The following KIRREL3 variants were observed in gnomAD, a reference collection of about 807,000 sequenced individuals.
KIRREL3 encodes kirre like nephrin family adhesion molecule 3, also known as kin of IRRE-like protein 3.
A neutral mutation model predicts 89.7 loss-of-function variants in KIRREL3; 36 were observed. The ratio of observed to expected loss-of-function variants is 0.40; its 90% CI spans 0.31 to 0.53. The LOEUF (loss-of-function observed/expected upper bound fraction) is 0.53, where lower values mean the gene tolerates loss of function less well. Among genes scored for constraint, KIRREL3 ranks in the 20% least tolerant of loss-of-function variants. The probability of loss-of-function intolerance (pLI) is 0.49; values close to 1 mark genes in which losing one functional copy is unlikely to be tolerated. For synonymous variants in KIRREL3, 445 were observed against 441.4 expected, an observed-to-expected ratio of 1.01 and a Z score of -0.10; for missense variants, 864 against 1,056.6, an observed-to-expected ratio of 0.82 and a Z score of 2.53.
rs140411097 is a variant in KIRREL3, at chr11:126,714,344, C to T, written c.56-151432G>A. ...GCTTAGAGCAGCATAAAGAGGGGAGCGTGTGGCCCAGGCCGAGCCCTGATA... is the reference window on the plus strand; with the variant it reads ...GCTTAGAGCAGCATAAAGAGGGGAGTGTGTGGCCCAGGCCGAGCCCTGATA... On this transcript the variant is annotated intron_variant, in intron 1 of 16. Coordinates refer to ENST00000525144, the MANE Select transcript of KIRREL3 (RefSeq NM_032531.4). Among the ~76,000 whole-genome samples the T allele has an allele frequency of 5.0e-4, 76 of 152,006 alleles. 1 individual carries two copies. Among genetic ancestry groups the T allele is most frequent in the African/African-American group, 1.7e-3 (72 of 41,556 alleles).
Position 126,863,655 on chromosome 11 carries a change from G to A in KIRREL3, c.55+136800C>T, listed in dbSNP as rs532507584. ...AGTGCGTGTGTGTGTGTTTGAGTGC[G>A]TGTGTGAGTGTATGTGTGAGTGAGT... On this transcript the variant is annotated intron_variant, in intron 1 of 16. Coordinates refer to ENST00000525144, the MANE Select transcript of KIRREL3 (RefSeq NM_032531.4). 5.9e-5 allele frequency among the ~76,000 whole-genome samples: 9 copies of A among 151,956 alleles called. No individual in the cohort carries two copies. In the South Asian group the frequency reaches 6.2e-4, roughly 11 times the overall value.
Position 126,651,038 on chromosome 11 carries a change from A to C in KIRREL3, c.56-88126T>G, listed in dbSNP as rs138985856. On this transcript the variant is annotated intron_variant, in intron 1 of 16. Coordinates refer to ENST00000525144, the MANE Select transcript of KIRREL3 (RefSeq NM_032531.4). This position sits in a 1 kb window ranked among gnomAD's most constrained non-coding sequence, Gnocchi z 4.6. ...CTCATGAGACACATTCACTTCCATG[A>C]GAACAGTATGGGGGAAACCACCCCC... 1.7e-4 allele frequency among the ~76,000 whole-genome samples: 26 copies of C among 152,322 alleles called. No homozygotes were observed. The East Asian group carries it at 4.3e-3, about 25-fold the overall frequency.
chr11:126,474,187 A>G lies in KIRREL3; in HGVS notation c.434-721T>C, dbSNP rs1187704630. 3.3e-5 allele frequency among the ~76,000 whole-genome samples: 5 copies of G among 152,070 alleles called. No individual in the cohort carries two copies. The highest frequency in any genetic ancestry group is 4.1e-4 in the South Asian group (2 of 4,822). ...TGGTCTCGAACTCCTGACCTCAGGT[A>G]ATCCACCCGCCTCAGGCTCCCAAAG... On this transcript the variant is annotated intron_variant, in intron 4 of 16. Coordinates refer to ENST00000525144, the MANE Select transcript of KIRREL3 (RefSeq NM_032531.4). This position sits in a 1 kb window ranked among gnomAD's most constrained non-coding sequence, Gnocchi z 6.7.
In KIRREL3 at chr11:126,645,831, T is replaced by G. The variant is rs1944645372; in HGVS notation, c.56-82919A>C. Among the ~76,000 whole-genome samples, 1 of 152,198 alleles carries G rather than the reference T, an allele frequency of 6.6e-6. No homozygotes were observed. The highest frequency in any genetic ancestry group is 1.5e-5 in the Non-Finnish European group (1 of 68,028). On this transcript the variant is annotated intron_variant, in intron 1 of 16. Coordinates refer to ENST00000525144, the MANE Select transcript of KIRREL3 (RefSeq NM_032531.4). The surrounding 1 kb of genome is among the most constrained non-coding windows in gnomAD (Gnocchi z 4.9). ...CCTCACACACCTTATTTTATTTCCT[T>G]TCCTTCCTTCCATGCTAAAGAGGGC...
intron 1 of KIRREL3, among the ~76,000 whole-genome samples, chr11:126,593,146 T>C (rs978683491): frequency 1.1e-4 from 16 of 152,166 alleles, no homozygotes; most frequent in African/African-American, 3.6e-4. Context: ...GGAACCAGGA[T>C]GCTGTCGTCT....
In KIRREL3 at chr11:126,643,148, T is replaced by A. The variant is rs939700494; in HGVS notation, c.56-80236A>T. On this transcript the variant is annotated intron_variant, in intron 1 of 16. Coordinates refer to ENST00000525144, the MANE Select transcript of KIRREL3 (RefSeq NM_032531.4). The surrounding 1 kb of genome is among the most constrained non-coding windows in gnomAD (Gnocchi z 4.5). ...TAATTCTGTAATATTGGGCAGAAAA[T>A]GTAAACAAGCATAGCTTCAATTTTC... 6.6e-6 allele frequency among the ~76,000 whole-genome samples: 1 copy of A among 152,186 alleles called. No homozygotes were observed. Among genetic ancestry groups the A allele is most frequent in the Admixed American group, 6.5e-5 (1 of 15,282 alleles).
intron 1 of KIRREL3, among the ~76,000 whole-genome samples, chr11:126,616,466 A>ACT (rs5795509): frequency 0.92 from 140,268 of 152,052 alleles, 64,886 homozygotes; most frequent in East Asian, 1. Context: ...TTTCCAGAAA[A>ACT]CTCTCTCTGG....
In KIRREL3 at chr11:126,772,018, A is replaced by G. The variant is rs1348226417; in HGVS notation, c.56-209106T>C. Reference sequence around the variant, plus strand: ...CTTTCTGTCTGAGGTAGAGGAGAGGAGGCACTGTCGGGAAACCATGACCTT... The same window carrying G: ...CTTTCTGTCTGAGGTAGAGGAGAGGGGGCACTGTCGGGAAACCATGACCTT... On this transcript the variant is annotated intron_variant, in intron 1 of 16. Coordinates refer to ENST00000525144, the MANE Select transcript of KIRREL3 (RefSeq NM_032531.4). The surrounding 1 kb of genome is among the most constrained non-coding windows in gnomAD (Gnocchi z 4.6). Among the ~76,000 whole-genome samples the G allele has an allele frequency of 6.6e-6, 1 of 152,176 alleles. No individual in the cohort carries two copies. The highest frequency in any genetic ancestry group is 1.9e-4 in the East Asian group (1 of 5,186).
rs987835937 is a variant in KIRREL3, at chr11:126,605,057, C to T, written c.56-42145G>A. Among the ~76,000 whole-genome samples, 2 of 152,262 alleles carry T rather than the reference C, an allele frequency of 1.3e-5. No individual in the cohort carries two copies. The highest frequency in any genetic ancestry group is 2.1e-4 in the South Asian group (1 of 4,834). On this transcript the variant is annotated intron_variant, in intron 1 of 16. Coordinates refer to ENST00000525144, the MANE Select transcript of KIRREL3 (RefSeq NM_032531.4). The surrounding 1 kb of genome is among the most constrained non-coding windows in gnomAD (Gnocchi z 5.7). Reference sequence around the variant, plus strand: ...TCACCTCAACAAAGACCCATAATCACAGACAATGCATCGAGCCTGGTGAGG... The same window carrying T: ...TCACCTCAACAAAGACCCATAATCATAGACAATGCATCGAGCCTGGTGAGG...
chr11:126,830,456 A>G lies in KIRREL3; in HGVS notation c.55+169999T>C, dbSNP rs1943567326. Reference sequence around the variant, plus strand: ...GCCATTATCCCATGCACGCTACAATAAATAGCATTAACATTTCTAAGTGAC... The same window carrying G: ...GCCATTATCCCATGCACGCTACAATGAATAGCATTAACATTTCTAAGTGAC... On this transcript the variant is annotated intron_variant, in intron 1 of 16. Transcript: ENST00000525144. The surrounding 1 kb of genome is among the most constrained non-coding windows in gnomAD (Gnocchi z 4.9). 6.6e-6 allele frequency among the ~76,000 whole-genome samples: 1 copy of G among 152,222 alleles called. No homozygotes were observed. The highest frequency in any genetic ancestry group is 2.4e-5 in the African/African-American group (1 of 41,466).
Position 126,668,667 on chromosome 11 carries a change from A to G in KIRREL3, c.56-105755T>C, listed in dbSNP as rs573338327. On this transcript the variant is annotated intron_variant, in intron 1 of 16. Coordinates refer to ENST00000525144, the MANE Select transcript of KIRREL3 (RefSeq NM_032531.4). This position sits in a 1 kb window ranked among gnomAD's most constrained non-coding sequence, Gnocchi z 4.4. ...GCATGCCATTTGCTGTCTCAAATCT[A>G]TAAAGAGCTGTTGGGAAGTTTCTGT... 1.3e-5 allele frequency among the ~76,000 whole-genome samples: 2 copies of G among 151,982 alleles called. No homozygotes were observed. Among genetic ancestry groups the G allele is most frequent in the African/African-American group, 4.8e-5 (2 of 41,440 alleles).
intron 1 of KIRREL3, among the ~76,000 whole-genome samples, chr11:126,738,407 G>T (rs1948875684): frequency 6.6e-6 from 1 of 152,202 alleles, no homozygotes; most frequent in African/African-American, 2.4e-5. Flanking sequence ...AAGGTCCCAG[G>T]CTGGCCTCAC....
chr11:126,815,505 G>A (rs1951534775), intron 1 of KIRREL3, among the ~76,000 whole-genome samples: 1 of 152,148 alleles, frequency 6.6e-6, no homozygotes, highest in African/African-American at 2.4e-5. Context: ...GCATGTAGTA[G>A]CATTTCATAA....
In KIRREL3 at chr11:126,943,214, G is replaced by A. The variant is rs1233661776; in HGVS notation, c.55+57241C>T. 2.0e-5 allele frequency among the ~76,000 whole-genome samples: 3 copies of A among 152,118 alleles called. No homozygotes were observed. Among genetic ancestry groups the A allele is most frequent in the Non-Finnish European group, 4.4e-5 (3 of 68,028 alleles). ...CAGGATTGGCTTTTGAGGTGTTTCTGGGCCTTAAGCAGCTCCCATGGTAAA... is the reference window on the plus strand; with the variant it reads ...CAGGATTGGCTTTTGAGGTGTTTCTAGGCCTTAAGCAGCTCCCATGGTAAA... On this transcript the variant is annotated intron_variant, in intron 1 of 16. Coordinates refer to ENST00000525144, the MANE Select transcript of KIRREL3 (RefSeq NM_032531.4). The surrounding 1 kb of genome is among the most constrained non-coding windows in gnomAD (Gnocchi z 4.2).
rs1419143891 is a variant in KIRREL3 at position 126,441,901 on chromosome 11, A to G, written c.1253-1352T>C. Among the ~76,000 whole-genome samples the G allele has an allele frequency of 6.6e-6, 1 of 152,150 alleles. No individual in the cohort carries two copies. Among genetic ancestry groups the G allele is most frequent in the Non-Finnish European group, 1.5e-5 (1 of 68,022 alleles). On this transcript the variant is annotated intron_variant, in intron 10 of 16. Coordinates refer to ENST00000525144, the MANE Select transcript of KIRREL3 (RefSeq NM_032531.4). The surrounding 1 kb of genome is among the most constrained non-coding windows in gnomAD (Gnocchi z 5.0). ...TTCAGCTCCAACAGGTCTAGGACCCAAAGAGATGAGGAGATTGATGTTTTA... is the reference window on the plus strand; with the variant it reads ...TTCAGCTCCAACAGGTCTAGGACCCGAAGAGATGAGGAGATTGATGTTTTA...
chr11:126,832,081 C>T (rs78448449), intron 1 of KIRREL3, among the ~76,000 whole-genome samples: 3,312 of 152,212 alleles, frequency 0.022, 114 homozygotes, highest in African/African-American at 0.074. Context: ...AGTATTTCTG[C>T]CTTTACACTT....
intron 2 of KIRREL3, among the ~76,000 whole-genome samples, chr11:126,548,603 C>A (rs559463631): frequency 6.6e-6 from 1 of 152,366 alleles, no homozygotes; most frequent in Non-Finnish European, 1.5e-5. Flanking sequence ...TTTCCCATGT[C>A]AATTTCCAAC....
chr11:126,633,062 A>G (rs983725215), intron 1 of KIRREL3, among the ~76,000 whole-genome samples: 3 of 152,128 alleles, frequency 2.0e-5, no homozygotes, highest in African/African-American at 4.8e-5. Context: ...AGCCTGGGCA[A>G]TAGAGTGAGA....
chr11:126,836,674 T>C (rs547516264), intron 1 of KIRREL3, among the ~76,000 whole-genome samples: 1 of 152,330 alleles, frequency 6.6e-6, no homozygotes, highest in Non-Finnish European at 1.5e-5. Context: ...ATTTTTTCCT[T>C]AACTCCTCAT....
Sources: allele counts gnomAD v4.1 joint callset (sites outside exome capture counted in the v4.1 genomes callset), GRCh38; gene constraint gnomAD v4.1.1; non-coding constraint Gnocchi (gnomAD v3.1); transcripts MANE v1.5; gene names NCBI Gene and HGNC (gene_info 2026-07-23, HGNC 2026-07-21).